RMDN2: variants seen among roughly 807,000 people sequenced by gnomAD.
RMDN2 encodes the protein regulator of microtubule dynamics 2, also known as regulator of microtubule dynamics protein 2.
Under a neutral mutation model 52.8 loss-of-function variants are expected in RMDN2, and 61 were observed. The ratio of observed to expected loss-of-function variants is 1.16; its 90% CI spans 0.94 to 1.43. The LOEUF is 1.43. Among genes scored for constraint, RMDN2 ranks in the 40% most tolerant of loss-of-function variants. The pLI, the probability that RMDN2 is intolerant of heterozygous loss-of-function variation, is 0.00. For synonymous variants in RMDN2, 180 were observed against 153.1 expected (o/e 1.18, Z -1.30); for missense variants, 592 against 475.3 (o/e 1.25, Z -2.28).
intron 10 of RMDN2, among the ~76,000 whole-genome samples, chr2:38,063,856 C>T (rs558351676): frequency 6.6e-6 from 1 of 152,220 alleles, no homozygotes; most frequent in Admixed American, 6.5e-5. Flanking sequence ...TCAGTTTTGT[C>T]ATTTTTTTAA....
intron 10 of RMDN2, among the ~76,000 whole-genome samples, chr2:38,065,215 G>T (rs1432995606): frequency 6.6e-6 from 1 of 152,018 alleles, no homozygotes; most frequent in Non-Finnish European, 1.5e-5. Flanking sequence ...TAAGCAACAG[G>T]ATGAGATATG....
chr2:37,955,602 T>G (rs978033538), intron 2 of RMDN2, among the ~76,000 whole-genome samples: 1 of 152,070 alleles, frequency 6.6e-6, no homozygotes, highest in Admixed American at 6.6e-5. Context: ...GGGGCCGATC[T>G]TTCCTGTGCA....
At chr2:37,969,622 A>C (rs1050630461) in intron 2 of RMDN2, among the ~76,000 whole-genome samples, 10 of 151,962 alleles carry the variant, frequency 6.6e-5, no homozygotes, top group African/African-American at 2.4e-4. Context: ...AATCTTCAAA[A>C]AATAAGATTG....
intron 10 of RMDN2, among the ~76,000 whole-genome samples, chr2:38,062,599 T>C (rs974886139): frequency 2.0e-5 from 3 of 152,140 alleles, no homozygotes; most frequent in African/African-American, 4.8e-5. Flanking sequence ...AGTGGGGTCA[T>C]ACTGTAGCAT....
intron 8 of RMDN2, among the ~76,000 whole-genome samples, chr2:38,002,363 G>A: frequency 6.6e-6 from 1 of 152,152 alleles, no homozygotes; most frequent in East Asian, 1.9e-4. Context: ...AAATCAAGAT[G>A]TCCAATGGAG....
chr2:37,974,083 G>C lies in RMDN2; in HGVS notation c.496G>C (p.Val166Leu). Reference protein sequence around the residue: ...NTDTEEQSFPVPKAFNTRVEE... With the variant: ...NTDTEEQSFPLPKAFNTRVEE... Reference sequence around the variant, plus strand: ...TGACACAGAAGAACAGAGTTTTCCAGTCCCTAAGGCATTTAACACACGTGT... The same window carrying C: ...TGACACAGAAGAACAGAGTTTTCCACTCCCTAAGGCATTTAACACACGTGT... Residue 166 changes from valine to leucine, a missense_variant, in exon 3 of 11, where the codon GTC becomes CTC. Physicochemically the swap from Val to Leu is conservative, Grantham distance 32 (BLOSUM62 1). Coordinates refer to ENST00000354545, the MANE Select transcript of RMDN2 (RefSeq NM_001170791.3). The C allele has an allele frequency of 2.5e-6, 4 of 1,612,204 alleles. No homozygotes were observed.
At chr2:38,020,639 G>A (rs146337042), downstream of RMDN2, among the ~76,000 whole-genome samples, 2,913 of 152,324 alleles carry the variant, frequency 0.019, 108 homozygotes, top group African/African-American at 0.066. Context: ...CAGGCAATGA[G>A]GGGCTTAGCA....
intron 2 of RMDN2, chr2:37,951,585 A>C (rs1357706475): frequency 1.9e-6 from 3 of 1,613,296 alleles, no homozygotes. Flanking sequence ...TATTTCCCGC[A>C]GAAGACGTTT....
chr2:37,995,337 T>A (rs1233957529), intron 7 of RMDN2, among the ~76,000 whole-genome samples: 5 of 150,764 alleles, frequency 3.3e-5, no homozygotes, highest in Non-Finnish European at 7.4e-5. Context: ...CTACTACTAC[T>A]ACTACTACTA....
intron 10 of RMDN2, chr2:38,039,360 C>A (rs946937224): frequency 5.3e-5 from 8 of 152,164 alleles, no homozygotes; most frequent in African/African-American, 1.9e-4. Flanking sequence ...TGGAAGCCAA[C>A]ATACAGTCTT....
chr2:37,933,914 T>C (rs949879886), intron 2 of RMDN2, among the ~76,000 whole-genome samples: 1 of 152,250 alleles, frequency 6.6e-6, no homozygotes, highest in Admixed American at 6.5e-5. Context: ...TTTTGTAAAG[T>C]ACATTTGTGT....
At chr2:37,976,036 A>G (rs946579532) in intron 4 of RMDN2, among the ~76,000 whole-genome samples, 3 of 152,250 alleles carry the variant, frequency 2.0e-5, no homozygotes, top group African/African-American at 4.8e-5. Context: ...TACTTCCTGT[A>G]ATGTAGAACT....
Position 38,002,266 on chromosome 2 carries a change from C to T in RMDN2, c.1045-1725C>T, listed in dbSNP as rs994515341. Among the ~76,000 whole-genome samples, 3 of 152,030 alleles carry T rather than the reference C, an allele frequency of 2.0e-5. No individual in the cohort carries two copies. The East Asian group carries it at 5.8e-4, about 29-fold the overall frequency. Reference sequence around the variant, plus strand: ...CAGCAATTCAACTTCTGGGAATCTCCCTTACAGGAATAAACACACATGTAC... The same window carrying T: ...CAGCAATTCAACTTCTGGGAATCTCTCTTACAGGAATAAACACACATGTAC... On this transcript the variant is annotated intron_variant, in intron 8 of 10. Coordinates refer to ENST00000354545, the MANE Select transcript of RMDN2 (RefSeq NM_001170791.3).
rs143748598 is a variant in RMDN2 at position 37,988,070 on chromosome 2, A to T, written c.792-1471A>T. The stretch of plus-strand genomic sequence containing the variant: ...CATGTCTTCATCTCTAAATAAATAA[A>T]TAATAGTGGGGGCTATAATGTAGGG... On this transcript the variant is annotated intron_variant, in intron 5 of 10. Coordinates refer to ENST00000354545, the MANE Select transcript of RMDN2 (RefSeq NM_001170791.3). 4.5e-3 allele frequency among the ~76,000 whole-genome samples: 678 copies of T among 152,256 alleles called. 5 individuals carry two copies. Among genetic ancestry groups the T allele is most frequent in the East Asian group, 0.019 (99 of 5,188 alleles).
intron 2 of RMDN2, chr2:37,950,682 CATA>C: frequency 1.6e-6 from 2 of 1,290,294 alleles, no homozygotes; most frequent in Admixed American, 1.7e-5. Context: ...CTTTGTTTCC[CATA>C]ATAACTGGAT....
chr2:37,972,998 C>G (rs1470480), intron 2 of RMDN2, among the ~76,000 whole-genome samples: 3 of 151,888 alleles, frequency 2.0e-5, no homozygotes, highest in African/African-American at 4.8e-5. Flanking sequence ...TTCTATCTAA[C>G]GGGAGCTGCA....
intron 10 of RMDN2, among the ~76,000 whole-genome samples, chr2:38,005,358 C>T (rs1024162428): frequency 6.6e-6 from 1 of 152,348 alleles, no homozygotes; most frequent in African/African-American, 2.4e-5. Flanking sequence ...TCCTCTCCAG[C>T]ACCTGTTGTT....
At chr2:38,007,561 T>A (rs1677290877) in intron 10 of RMDN2, among the ~76,000 whole-genome samples, 1 of 152,196 alleles carries the variant, frequency 6.6e-6, no homozygotes, top group African/African-American at 2.4e-5. Flanking sequence ...ATCCCCTTTA[T>A]CATTTTTTAT....
At chr2:37,980,537 C>T (rs1673167329) in intron 4 of RMDN2, among the ~76,000 whole-genome samples, 1 of 152,180 alleles carries the variant, frequency 6.6e-6, no homozygotes, top group Admixed American at 6.5e-5. Context: ...TTCCTGACCT[C>T]AGGTGATCCA....
Sources: allele counts gnomAD v4.1 joint callset (sites outside exome capture counted in the v4.1 genomes callset), GRCh38; gene constraint gnomAD v4.1.1; transcripts MANE v1.5; gene names NCBI Gene and HGNC (gene_info 2026-07-23, HGNC 2026-07-21).